FAM241A: variants seen among roughly 807,000 people sequenced by gnomAD.
FAM241A encodes uncharacterized protein FAM241A.
Under a neutral mutation model 12.2 loss-of-function variants are expected in FAM241A, and 7 were observed. That is an observed-to-expected ratio of 0.58 (90% confidence interval 0.33 to 1.08). FAM241A has a LOEUF of 1.08. Ranked by LOEUF, FAM241A falls within the 50% of genes least tolerant of loss-of-function variation. The probability of loss-of-function intolerance (pLI) is 0.04; values close to 1 mark genes in which losing one functional copy is unlikely to be tolerated. For synonymous variants in FAM241A, 74 were observed against 68.2 expected, an observed-to-expected ratio of 1.08 and a Z score of -0.42; for missense variants, 161 against 169.7, an observed-to-expected ratio of 0.95 and a Z score of 0.29.
chr4:112,173,771 C>T (rs577395208), intron 1 of FAM241A, among the ~76,000 whole-genome samples: 2 of 152,178 alleles, frequency 1.3e-5, no homozygotes, highest in South Asian at 4.1e-4. Flanking sequence ...TACCATACAG[C>T]GTCCTCTGAT....
chr4:112,175,237 C>T (rs576298081), intron 1 of FAM241A, among the ~76,000 whole-genome samples: 104 of 152,192 alleles, frequency 6.8e-4, no homozygotes, highest in African/African-American at 1.8e-3. Flanking sequence ...TCAATGAAAC[C>T]GTCTCTATCC....
intron 1 of FAM241A, among the ~76,000 whole-genome samples, chr4:112,162,867 A>T (rs1221655018): frequency 6.6e-6 from 1 of 152,250 alleles, no homozygotes; most frequent in Non-Finnish European, 1.5e-5. Context: ...ATCCTAAGCC[A>T]AAAGAACAAA....
chr4:112,164,626 A>G (rs1294322001), intron 1 of FAM241A, among the ~76,000 whole-genome samples: 1 of 152,174 alleles, frequency 6.6e-6, no homozygotes, highest in Non-Finnish European at 1.5e-5. Flanking sequence ...AAAATGAAAA[A>G]AAAGCTTCTG....
At chr4:112,162,978 A>T (rs1209710433) in intron 1 of FAM241A, among the ~76,000 whole-genome samples, 2 of 152,250 alleles carry the variant, frequency 1.3e-5, no homozygotes, top group African/African-American at 4.8e-5. Context: ...CCAATGGAAC[A>T]GAACAGAGCC....
At chr4:112,160,386 C>T (rs1054286836) in intron 1 of FAM241A, among the ~76,000 whole-genome samples, 1 of 130,354 alleles carries the variant, frequency 7.7e-6, no homozygotes, top group Non-Finnish European at 1.6e-5. Flanking sequence ...GCCTGGGTAA[C>T]AGAGCAAAAC....
At chr4:112,155,817 T>C (rs769266371) in intron 1 of FAM241A, among the ~76,000 whole-genome samples, 33 of 152,198 alleles carry the variant, frequency 2.2e-4, no homozygotes, top group African/African-American at 6.8e-4. Context: ...ATATGAGATA[T>C]AGTGTATAAA....
Position 112,194,940 on chromosome 4 carries a change from A to G in FAM241A, c.*8002A>G, listed in dbSNP as rs1051346879. 6.6e-6 allele frequency: 1 copy of G among 151,970 alleles called. No homozygotes were observed. The highest frequency in any genetic ancestry group is 6.6e-5 in the Admixed American group (1 of 15,240). The allele number at this position is 151,970 out of a possible 1,614,324, so 9.4% of individuals were successfully genotyped here. On this transcript the variant is annotated 3_prime_UTR_variant, in exon 2 of 2. Coordinates refer to ENST00000309733, the MANE Select transcript of FAM241A (RefSeq NM_152400.3). ...TACAGGCACATGCTGGCATGCCTGT[A>G]TTTTTGTATTTTTAGTAGAGACGGG...
intron 1 of FAM241A, among the ~76,000 whole-genome samples, chr4:112,152,787 C>A (rs899367667): frequency 6.6e-6 from 1 of 152,072 alleles, no homozygotes; most frequent in African/African-American, 2.4e-5. Context: ...ATTTTGAATC[C>A]CGGTTTTACT....
At position 112,187,032 on chromosome 4, in the gene FAM241A, CT is replaced by C; in HGVS notation, c.*96del. 6.9e-7 allele frequency: 1 copy of C among 1,444,168 alleles called. No homozygotes were observed. The allele number at this position is 1,444,168 out of a possible 1,614,324, so 89.5% of individuals were successfully genotyped here. ...CTTTTTGACAACCGAAAAAGTTTGCCTTGTTTCAAATCATGTGCTGGCTGTT... is the reference window on the plus strand; with the variant it reads ...CTTTTTGACAACCGAAAAAGTTTGCCTGTTTCAAATCATGTGCTGGCTGTT... On this transcript the variant is annotated 3_prime_UTR_variant, in exon 2 of 2. Transcript: ENST00000309733.
intron 1 of FAM241A, among the ~76,000 whole-genome samples, chr4:112,166,046 ATTT>A (rs34666622): frequency 1.5e-5 from 2 of 137,598 alleles, no homozygotes; most frequent in Non-Finnish European, 1.6e-5. Flanking sequence ...TGTACTCAGA[ATTT>A]TTTTTTTTTT....
intron 1 of FAM241A, among the ~76,000 whole-genome samples, chr4:112,184,652 CAT>C (rs1284037139): frequency 2.0e-5 from 3 of 152,174 alleles, no homozygotes; most frequent in African/African-American, 7.2e-5. Flanking sequence ...CCTTGGTACT[CAT>C]TACTGTACAT....
chr4:112,164,894 T>G (rs554421584), intron 1 of FAM241A, among the ~76,000 whole-genome samples: 1 of 152,172 alleles, frequency 6.6e-6, no homozygotes, highest in Admixed American at 6.5e-5. Flanking sequence ...GCAGATCACT[T>G]GAGCTCAGGA....
chr4:112,156,812 T>C (rs1267122706), intron 1 of FAM241A, among the ~76,000 whole-genome samples: 1 of 152,274 alleles, frequency 6.6e-6, no homozygotes, highest in East Asian at 1.9e-4. Flanking sequence ...ATCTGTAAAA[T>C]TGTAGGCAAG....
At chr4:112,166,148 A>G (rs928523078) in intron 1 of FAM241A, among the ~76,000 whole-genome samples, 6 of 149,282 alleles carry the variant, frequency 4.0e-5, no homozygotes, top group African/African-American at 1.5e-4. Flanking sequence ...CCGGGTTCAC[A>G]CCATTCTCCT....
intron 1 of FAM241A, among the ~76,000 whole-genome samples, chr4:112,156,408 T>C (rs1271659657): frequency 6.6e-6 from 1 of 152,182 alleles, no homozygotes; most frequent in African/African-American, 2.4e-5. Flanking sequence ...ATAGCTCTTC[T>C]TGCTATTTGA....
chr4:112,167,570 A>C (rs1393189270), intron 1 of FAM241A, among the ~76,000 whole-genome samples: 1 of 152,228 alleles, frequency 6.6e-6, no homozygotes, highest in African/African-American at 2.4e-5. Context: ...TAGAGATCTG[A>C]AGAGTTGCCT....
chr4:112,181,614 T>G (rs1364225574), intron 1 of FAM241A, among the ~76,000 whole-genome samples: 1 of 152,160 alleles, frequency 6.6e-6, no homozygotes, highest in Non-Finnish European at 1.5e-5. Flanking sequence ...GAGCATTACC[T>G]GATGCTGTGA....
chr4:112,150,096 G>A (rs377288058), intron 1 of FAM241A, among the ~76,000 whole-genome samples: 5 of 151,604 alleles, frequency 3.3e-5, no homozygotes, highest in South Asian at 2.1e-4. Flanking sequence ...TGCATTTATG[G>A]TTTAATTTTT....
Position 112,194,533 on chromosome 4 carries a change from G to A in FAM241A, c.*7595G>A, listed in dbSNP as rs1448606810. The A allele has an allele frequency of 6.6e-6, 1 of 151,802 alleles. No individual in the cohort carries two copies. Among genetic ancestry groups the A allele is most frequent in the South Asian group, 2.1e-4 (1 of 4,812 alleles). The allele number at this position is 151,802 out of a possible 1,614,324, so 9.4% of individuals were successfully genotyped here. ...TTTGAGATACGTCCCATCAATACCT[G>A]ATTTATTGAGAGTTTTTAGCATGAA... On this transcript the variant is annotated 3_prime_UTR_variant, in exon 2 of 2. Coordinates refer to ENST00000309733, the MANE Select transcript of FAM241A (RefSeq NM_152400.3).
Sources: gnomAD v4.1 joint callset for allele counts (sites outside exome capture counted in the v4.1 genomes callset) on GRCh38, gnomAD v4.1.1 for gene constraint, MANE v1.5 for transcripts, NCBI Gene and HGNC (gene_info 2026-07-23, HGNC 2026-07-21) for gene names.